Variants in CUX2 observed in about 807,000 individuals in gnomAD.
CUX2 encodes the protein cut like homeobox 2.
In CUX2, 40 loss-of-function variants were observed where a neutral mutation model predicts 144.8. The observed-to-expected ratio is 0.28, with a 90% confidence interval of 0.21 to 0.36. CUX2 has a LOEUF of 0.36. Ranked by LOEUF, CUX2 falls within the 10% of genes least tolerant of loss-of-function variation. The pLI, the probability that CUX2 is intolerant of heterozygous loss-of-function variation, is 1.00. For synonymous variants in CUX2, 827 were observed against 875.6 expected, an observed-to-expected ratio of 0.94 and a Z score of 0.98; for missense variants, 1,615 against 1,994.0, an observed-to-expected ratio of 0.81 and a Z score of 3.62.
chr12:111,121,313 A>G (rs1322420400), intron 1 of CUX2, among the ~76,000 whole-genome samples: 1 of 151,222 alleles, frequency 6.6e-6, no homozygotes, highest in Non-Finnish European at 1.5e-5. Flanking sequence ...TTAAACTAGA[A>G]GGCAGATTCT....
intron 1 of CUX2, among the ~76,000 whole-genome samples, chr12:111,167,353 C>T (rs1266238659): frequency 1.3e-5 from 2 of 152,160 alleles, no homozygotes; most frequent in Non-Finnish European, 2.9e-5. Flanking sequence ...TGACCCCTGC[C>T]TCTCGGTTCT....
intron 3 of CUX2, among the ~76,000 whole-genome samples, chr12:111,230,013 C>CAAAA (rs532647802): frequency 1.3e-5 from 1 of 77,984 alleles, no homozygotes; most frequent in South Asian, 4.4e-4. Flanking sequence ...GACCCTGTCT[C>CAAAA]AAAAAAAAAA....
chr12:111,083,370 G>A (rs947242061), intron 1 of CUX2, among the ~76,000 whole-genome samples: 11 of 152,314 alleles, frequency 7.2e-5, no homozygotes, highest in Middle Eastern at 3.4e-3. Flanking sequence ...GGAGACAGAT[G>A]TTGGAGCCTG....
chr12:111,266,476 A>C lies in CUX2; in HGVS notation c.301+2637A>C, dbSNP rs535542469. On this transcript the variant is annotated intron_variant, in intron 4 of 21. Coordinates refer to ENST00000261726, the MANE Select transcript of CUX2 (RefSeq NM_015267.4). ...ACAGAGCAAGACCCTGTCTCAACAA[A>C]AAAAAAAAAAAAAGAGACGAGGGTA... Among the ~76,000 whole-genome samples the C allele has an allele frequency of 2.6e-3, 393 of 149,742 alleles. 3 individuals carry two copies. Among genetic ancestry groups the C allele is most frequent in the African/African-American group, 7.2e-3 (292 of 40,592 alleles).
chr12:111,198,265 C>T (rs554229454), intron 1 of CUX2, among the ~76,000 whole-genome samples: 87 of 152,114 alleles, frequency 5.7e-4, no homozygotes, highest in African/African-American at 1.9e-3. Flanking sequence ...CACTTGAGTT[C>T]GGGAGTTTGA....
Position 111,298,568 on chromosome 12 carries a change from C to T in CUX2, c.732C>T (p.Thr244=). The change falls in exon 9 of 22, where the codon ACC becomes ACT. Residue 244 remains threonine (T), a synonymous_variant. Transcript: ENST00000261726. ...CAGATGAAGTCGGCCTGATCATGAC[C>T]AACCTGGAGAAAGCTAATCAGGTGA... ...SKADEVGLIM[T]NLEKANQRAE... is the part of the protein sequence containing the mutation. The T allele has an allele frequency of 6.3e-7, 1 of 1,579,046 alleles. No homozygotes were observed. The highest frequency in any genetic ancestry group is 1.2e-5 in the South Asian group (1 of 86,296).
rs545283264 is a variant in CUX2, at chr12:111,035,412, C to T, written c.63+1172C>T. Among the ~76,000 whole-genome samples the T allele has an allele frequency of 2.0e-5, 3 of 152,182 alleles. No individual in the cohort carries two copies. In the South Asian group the frequency reaches 6.2e-4, roughly 32 times the overall value. ...AGAACGCACCGTGGAGGCGCGGCTC[C>T]GGCCTCTGTTCTTTCCCGGAGTGCC... On this transcript the variant is annotated intron_variant, in intron 1 of 21. Coordinates refer to ENST00000261726, the MANE Select transcript of CUX2 (RefSeq NM_015267.4). The surrounding 1 kb of genome is among the most constrained non-coding windows in gnomAD (Gnocchi z 6.0).
chr12:111,242,977 G>C (rs1178391213), intron 3 of CUX2, among the ~76,000 whole-genome samples: 2 of 152,118 alleles, frequency 1.3e-5, no homozygotes, highest in Non-Finnish European at 2.9e-5. Flanking sequence ...CCCTGTGTTA[G>C]TTTGCTGAAT....
At chr12:111,257,024 C>A (rs1031833645) in intron 3 of CUX2, among the ~76,000 whole-genome samples, 5 of 152,022 alleles carry the variant, frequency 3.3e-5, no homozygotes, top group African/African-American at 1.2e-4. Flanking sequence ...GCTTGACTCG[C>A]CCCTGGCAGA....
chr12:111,074,008 A>G (rs1871382077), intron 1 of CUX2, among the ~76,000 whole-genome samples: 1 of 151,856 alleles, frequency 6.6e-6, no homozygotes, highest in Non-Finnish European at 1.5e-5. Flanking sequence ...CAGTATAAGT[A>G]TATCCCATGC....
chr12:111,107,533 G>T (rs1333498902), intron 1 of CUX2, among the ~76,000 whole-genome samples: 1 of 152,252 alleles, frequency 6.6e-6, no homozygotes, highest in East Asian at 1.9e-4. Flanking sequence ...CAGTGCTGCA[G>T]TTCCCACCGT....
Position 111,320,909 on chromosome 12 carries a change from C to G in CUX2, c.2766+134C>G. 1 of 994,032 alleles carries G rather than the reference C, an allele frequency of 1.0e-6. No homozygotes were observed. Among genetic ancestry groups the G allele is most frequent in the African/African-American group, 1.7e-5 (1 of 58,640 alleles). The allele number at this position is 994,032 out of a possible 1,614,324, so 61.6% of individuals were successfully genotyped here. On this transcript the variant is annotated intron_variant, in intron 17 of 21. Transcript: ENST00000261726. The surrounding 1 kb of genome is among the most constrained non-coding windows in gnomAD (Gnocchi z 8.1). ...TCCTGAGTCCTGCTGTCCCTGGGTC[C>G]CGCAGGAAGGAGGGCCACTGTTCTG...
chr12:111,091,196 C>T (rs1448468444), intron 1 of CUX2, among the ~76,000 whole-genome samples: 2 of 152,242 alleles, frequency 1.3e-5, no homozygotes. Context: ...CCACTCCAGC[C>T]AGGGCCAGGT....
chr12:111,055,727 G>A (rs1438819791), intron 1 of CUX2, among the ~76,000 whole-genome samples: 1 of 152,134 alleles, frequency 6.6e-6, no homozygotes, highest in East Asian at 1.9e-4. Flanking sequence ...ATCGGCGCAC[G>A]TTTCCTGTCC....
At chr12:111,069,341 A>G (rs78603833) in intron 1 of CUX2, among the ~76,000 whole-genome samples, 10,987 of 151,938 alleles carry the variant, frequency 0.072, 1,294 homozygotes, top group African/African-American at 0.25. Flanking sequence ...CACAGCTCTG[A>G]AGGGCAGTAT....
At chr12:111,230,883 T>C (rs1358286732) in intron 3 of CUX2, among the ~76,000 whole-genome samples, 2 of 152,126 alleles carry the variant, frequency 1.3e-5, no homozygotes, top group African/African-American at 2.4e-5. Context: ...GACAGGGGGC[T>C]GGGAAGAGAT....
intron 8 of CUX2, among the ~76,000 whole-genome samples, chr12:111,297,626 G>A (rs750605646): frequency 1.3e-5 from 2 of 152,160 alleles, no homozygotes; most frequent in Non-Finnish European, 2.9e-5. Flanking sequence ...GGACTCAAGC[G>A]TTTCTTTAGG....
chr12:111,332,277 CATGT>C (rs1888153032), intron 18 of CUX2, among the ~76,000 whole-genome samples: 1 of 138,266 alleles, frequency 7.2e-6, no homozygotes, highest in African/African-American at 3.2e-5. Flanking sequence ...GGATTACAGG[CATGT>C]GCCACCATGC....
intron 1 of CUX2, among the ~76,000 whole-genome samples, chr12:111,197,060 C>T (rs1167791796): frequency 1.3e-5 from 2 of 152,142 alleles, no homozygotes; most frequent in Non-Finnish European, 2.9e-5. Context: ...AGAGAGTGGA[C>T]GGGCTCTGGA....
Sources: gnomAD v4.1 joint callset for allele counts (sites outside exome capture counted in the v4.1 genomes callset) on GRCh38, gnomAD v4.1.1 for gene constraint, Gnocchi (gnomAD v3.1) non-coding constraint, MANE v1.5 for transcripts, NCBI Gene and HGNC (gene_info 2026-07-23, HGNC 2026-07-21) for gene names.